The following GSG1L variants were observed in gnomAD, a reference collection of about 807,000 sequenced individuals.
The protein encoded by GSG1L is GSG1 like.
A neutral mutation model predicts 42.1 loss-of-function variants in GSG1L; 24 were observed. That is an observed-to-expected ratio of 0.57 (90% CI 0.41 to 0.80). GSG1L has a LOEUF of 0.80. Ranked by LOEUF, GSG1L falls within the 30% of genes least tolerant of loss-of-function variation. The pLI, the probability that GSG1L is intolerant of heterozygous loss-of-function variation, is 0.00. For synonymous variants in GSG1L, 215 were observed against 203.5 expected, an observed-to-expected ratio of 1.06 and a Z score of -0.48; for missense variants, 445 against 472.2, an observed-to-expected ratio of 0.94 and a Z score of 0.53.
chr16:28,001,111 GAA>G (rs2085574238), intron 1 of GSG1L, among the ~76,000 whole-genome samples: 2 of 152,160 alleles, frequency 1.3e-5, no homozygotes, highest in African/African-American at 2.4e-5. Context: ...AAAAGGAAAA[GAA>G]AAGTTTGCTG....
At chr16:27,894,518 G>T (rs760909923) in intron 2 of GSG1L, among the ~76,000 whole-genome samples, 1 of 152,160 alleles carries the variant, frequency 6.6e-6, no homozygotes, top group Admixed American at 6.5e-5. Flanking sequence ...AATAAGGCAC[G>T]GCGCAGTGGC....
rs74428857 is a variant in GSG1L, at chr16:27,902,816, C to A, written c.398-18178G>T. On this transcript the variant is annotated intron_variant, in intron 2 of 6. Transcript: ENST00000447459. ...GTCCGCCTTAAGGGCTGCAGTGAGGCTTTAGTGACACATGCGGGAACAGGA... is the reference window on the plus strand; with the variant it reads ...GTCCGCCTTAAGGGCTGCAGTGAGGATTTAGTGACACATGCGGGAACAGGA... 9.9e-3 allele frequency among the ~76,000 whole-genome samples: 1,512 copies of A among 152,304 alleles called. 30 individuals are homozygous for A. The highest frequency in any genetic ancestry group is 0.034 in the African/African-American group (1,408 of 41,568).
intron 6 of GSG1L, among the ~76,000 whole-genome samples, chr16:27,803,398 T>C (rs930250654): frequency 6.6e-6 from 1 of 152,066 alleles, no homozygotes; most frequent in Non-Finnish European, 1.5e-5. Context: ...ATACATATGC[T>C]CTGCACTGGT....
At chr16:28,050,247 A>T (rs749388340) in intron 1 of GSG1L, among the ~76,000 whole-genome samples, 1 of 151,994 alleles carries the variant, frequency 6.6e-6, no homozygotes, top group African/African-American at 2.4e-5. Flanking sequence ...TGGTGCAATC[A>T]CAATTCACTG....
chr16:27,891,392 C>T (rs566137849), intron 2 of GSG1L, among the ~76,000 whole-genome samples: 6 of 152,314 alleles, frequency 3.9e-5, no homozygotes, highest in South Asian at 2.1e-4. Context: ...AAAGCAAAGA[C>T]AAGGCCGGCC....
At chr16:27,974,624 G>A (rs2085231138) in intron 1 of GSG1L, among the ~76,000 whole-genome samples, 1 of 152,188 alleles carries the variant, frequency 6.6e-6, no homozygotes, top group African/African-American at 2.4e-5. Context: ...TGCCATGTGT[G>A]ACTGCCCTCA....
intron 2 of GSG1L, among the ~76,000 whole-genome samples, chr16:27,947,450 A>G (rs1339895651): frequency 6.8e-6 from 1 of 146,380 alleles, no homozygotes; most frequent in Non-Finnish European, 1.5e-5. Context: ...AGGAAAGAAG[A>G]AGGAAGAAAG....
chr16:27,872,333 G>A (rs2083831299), intron 3 of GSG1L, among the ~76,000 whole-genome samples: 1 of 152,238 alleles, frequency 6.6e-6, no homozygotes, highest in African/African-American at 2.4e-5. Context: ...GGACATGGAT[G>A]GCCAGCAGTA....
At chr16:28,010,206 A>G (rs2085699063) in intron 1 of GSG1L, among the ~76,000 whole-genome samples, 1 of 152,148 alleles carries the variant, frequency 6.6e-6, no homozygotes, top group Non-Finnish European at 1.5e-5. Context: ...GATCTTCAGT[A>G]AAGTCAGCAA....
intron 1 of GSG1L, among the ~76,000 whole-genome samples, chr16:28,009,098 G>A (rs761551562): frequency 5.4e-4 from 82 of 152,236 alleles, no homozygotes; most frequent in Admixed American, 1.8e-3. Flanking sequence ...AGTAAGCCAC[G>A]GTGCTTGGCC....
intron 1 of GSG1L, among the ~76,000 whole-genome samples, chr16:28,048,327 A>G (rs368402289): frequency 1.3e-5 from 2 of 152,066 alleles, no homozygotes; most frequent in Admixed American, 1.3e-4. Flanking sequence ...CAAATAAAAC[A>G]TTTACGAAAA....
chr16:27,868,806 C>G (rs2083764240), intron 3 of GSG1L, among the ~76,000 whole-genome samples: 1 of 152,148 alleles, frequency 6.6e-6, no homozygotes, highest in African/African-American at 2.4e-5. Context: ...GTGCCATCGT[C>G]TGCCCGTCTG....
intron 1 of GSG1L, among the ~76,000 whole-genome samples, chr16:27,996,117 C>G (rs2085512321): frequency 6.6e-6 from 1 of 152,154 alleles, no homozygotes; most frequent in African/African-American, 2.4e-5. Context: ...CTCTCTCTCT[C>G]TCTGTCACTC....
At position 27,960,056 on chromosome 16, in the gene GSG1L, G is replaced by A. The variant is rs547942911; in HGVS notation, c.397+3100C>T. 2.6e-5 allele frequency among the ~76,000 whole-genome samples: 4 copies of A among 152,036 alleles called. No homozygotes were observed. The East Asian group carries it at 7.8e-4, about 30-fold the overall frequency. On this transcript the variant is annotated intron_variant, in intron 2 of 6. Transcript: ENST00000447459. ...GTGAGCAGGGGACAAGAGGGTATTG[G>A]AGAAAATGGGAATGGGGAAGTGGCA...
At chr16:28,048,038 G>C (rs8056406) in intron 1 of GSG1L, among the ~76,000 whole-genome samples, 3,031 of 145,196 alleles carry the variant, frequency 0.021, 116 homozygotes, top group African/African-American at 0.073. Context: ...GGGCAACATA[G>C]TAACACCTCA....
chr16:28,001,421 C>T (rs1317845923), intron 1 of GSG1L, among the ~76,000 whole-genome samples: 1 of 152,190 alleles, frequency 6.6e-6, no homozygotes, highest in Non-Finnish European at 1.5e-5. Flanking sequence ...TCAGCTACAG[C>T]GTACAGCTTG....
intron 2 of GSG1L, among the ~76,000 whole-genome samples, chr16:27,932,158 T>C (rs2084663977): frequency 6.6e-6 from 1 of 152,162 alleles, no homozygotes; most frequent in Non-Finnish European, 1.5e-5. Flanking sequence ...GTTCAAGTAA[T>C]TCTCATACCT....
intron 2 of GSG1L, among the ~76,000 whole-genome samples, chr16:27,947,426 A>AAGAAAGAAAGAAAGAG (rs1555510013): frequency 1.4e-5 from 2 of 140,612 alleles, no homozygotes; most frequent in Non-Finnish European, 3.1e-5. Flanking sequence ...GAAAGAAAGA[A>AAGAAAGAAAGAAAGAG]AGAGAAGGAA....
chr16:27,938,209 T>A (rs2084741411), intron 2 of GSG1L, among the ~76,000 whole-genome samples: 1 of 150,530 alleles, frequency 6.6e-6, no homozygotes, highest in Admixed American at 6.6e-5. Context: ...CTAATATGGG[T>A]GGGGGATGGG....
Sources: allele counts gnomAD v4.1 joint callset (sites outside exome capture counted in the v4.1 genomes callset), GRCh38; gene constraint gnomAD v4.1.1; transcripts MANE v1.5; gene names NCBI Gene and HGNC (gene_info 2026-07-23, HGNC 2026-07-21).